Variants in CSMD2 observed in about 807,000 individuals in gnomAD.
CSMD2 encodes the protein CUB and Sushi multiple domains 2.
A neutral mutation model predicts 398.5 loss-of-function variants in CSMD2; 130 were observed. The observed-to-expected ratio is 0.33, with a 90% CI of 0.28 to 0.38. The LOEUF is 0.38. Ranked by LOEUF, CSMD2 falls within the 10% of genes least tolerant of loss-of-function variation. The pLI is 1.00. For missense variants in CSMD2, 3,829 were observed against 4,764.9 expected (o/e 0.80, Z 5.78); for synonymous variants, 1,828 against 1,908.5 (o/e 0.96, Z 1.10).
intron 1 of CSMD2, among the ~76,000 whole-genome samples, chr1:34,132,302 C>A (rs1663436516): frequency 6.6e-6 from 1 of 152,084 alleles, no homozygotes; most frequent in African/African-American, 2.4e-5. Context: ...TTCACTCTTA[C>A]CATGTGACAT....
At chr1:34,138,076 T>C (rs544010950) in intron 1 of CSMD2, among the ~76,000 whole-genome samples, 16 of 152,296 alleles carry the variant, frequency 1.1e-4, no homozygotes, top group Admixed American at 1.0e-3. Flanking sequence ...AACACAATCA[T>C]GTGAATCATA....
At chr1:33,595,037 A>G (rs1276574644) in intron 44 of CSMD2, among the ~76,000 whole-genome samples, 2 of 152,188 alleles carry the variant, frequency 1.3e-5, no homozygotes, top group East Asian at 3.9e-4. Flanking sequence ...ACAACCATCA[A>G]CATTGGGAAA....
intron 15 of CSMD2, among the ~76,000 whole-genome samples, chr1:33,727,785 T>G (rs1646586099): frequency 6.6e-6 from 1 of 152,166 alleles, no homozygotes; most frequent in Non-Finnish European, 1.5e-5. Flanking sequence ...TCCTGATTTT[T>G]AAGCCGCTGG....
intron 1 of CSMD2, among the ~76,000 whole-genome samples, chr1:34,161,399 C>T (rs980735414): frequency 2.6e-5 from 4 of 152,116 alleles, no homozygotes; most frequent in Admixed American, 2.6e-4. Flanking sequence ...GATGAGCTCA[C>T]CCAGAGAGTG....
At chr1:33,622,413 A>G (rs1231199681) in intron 36 of CSMD2, 142 bp from the exon 37 acceptor site, 1 of 645,936 alleles carries the variant, frequency 1.5e-6, no homozygotes, top group Non-Finnish European at 2.8e-6. Flanking sequence ...AACTCACTAA[A>G]TGACAAATTA....
chr1:33,557,698 C>A, intron 55 of CSMD2, 36 bp downstream of exon 55: 1 of 1,525,196 alleles, frequency 6.6e-7, no homozygotes, highest in South Asian at 1.2e-5. Context: ...CACGGGCCAC[C>A]CCATCAGTCA....
At chr1:34,031,660 A>G (rs1418158442) in intron 3 of CSMD2, among the ~76,000 whole-genome samples, 1 of 150,108 alleles carries the variant, frequency 6.7e-6, no homozygotes, top group African/African-American at 2.5e-5. Flanking sequence ...CTCTTTATGC[A>G]TTACACCCCT....
intron 4 of CSMD2, among the ~76,000 whole-genome samples, chr1:33,931,645 C>T (rs559097869): frequency 2.6e-5 from 4 of 152,188 alleles, no homozygotes; most frequent in Admixed American, 6.5e-5. Context: ...TTCCCTAGGG[C>T]GTTTGGAAGG....
intron 14 of CSMD2, among the ~76,000 whole-genome samples, chr1:33,742,586 C>CG (rs1647112541): frequency 7.1e-6 from 1 of 141,506 alleles, no homozygotes; most frequent in Admixed American, 7.1e-5. Context: ...TGCCCCCCCC[C>CG]CCCCAACCCC....
chr1:33,741,742 A>C (rs189168463), intron 14 of CSMD2, among the ~76,000 whole-genome samples: 2 of 152,294 alleles, frequency 1.3e-5, no homozygotes, highest in East Asian at 3.9e-4. Context: ...TCCTCAGGTT[A>C]GTCTGCTGCC....
At chr1:34,063,985 T>C (rs764704078) in intron 2 of CSMD2, among the ~76,000 whole-genome samples, 31 of 152,326 alleles carry the variant, frequency 2.0e-4, no homozygotes, top group Admixed American at 4.6e-4. Context: ...AGCCACAGCA[T>C]GAGCCCTATG....
chr1:34,043,355 C>A (rs142931116), intron 2 of CSMD2, among the ~76,000 whole-genome samples: 132 of 152,272 alleles, frequency 8.7e-4, no homozygotes, highest in East Asian at 8.3e-3. Flanking sequence ...CCTGCATTAG[C>A]TTTTCAGGGC....
At chr1:33,931,060 GCAGGTGGGGTAACC>G (rs1205180635) in intron 4 of CSMD2, among the ~76,000 whole-genome samples, 57 of 152,360 alleles carry the variant, frequency 3.7e-4, no homozygotes, top group Non-Finnish European at 1.5e-5. Context: ...GAGCTACTGG[GCAGGTGGGGTAACC>G]CAGGCTAGTA....
intron 29 of CSMD2, among the ~76,000 whole-genome samples, chr1:33,643,913 G>A (rs1037537815): frequency 6.7e-6 from 1 of 148,912 alleles, no homozygotes; most frequent in African/African-American, 2.6e-5. Flanking sequence ...AAGGAAGGAA[G>A]GAAGGAAGGA....
chr1:33,588,786 C>A (rs1464948628), intron 44 of CSMD2, among the ~76,000 whole-genome samples: 2 of 152,112 alleles, frequency 1.3e-5, no homozygotes, highest in African/African-American at 4.8e-5. Flanking sequence ...GAAAGAAGGT[C>A]TAGCTATGAA....
chr1:33,988,897 A>G (rs1046005738), intron 3 of CSMD2, among the ~76,000 whole-genome samples: 1 of 151,488 alleles, frequency 6.6e-6, no homozygotes, highest in Non-Finnish European at 1.5e-5. Context: ...ACAAATATTA[A>G]CACAAAAGGA....
At chr1:33,670,118 C>G (rs1248801221) in intron 25 of CSMD2, among the ~76,000 whole-genome samples, 1 of 152,216 alleles carries the variant, frequency 6.6e-6, no homozygotes. Context: ...GTAGGTGCCT[C>G]ACATCCAGTG....
Position 33,571,745 on chromosome 1 carries a change from G to C in CSMD2, c.7763-19C>G, listed in dbSNP as rs748675192. 3 of 1,424,892 alleles carry C rather than the reference G, an allele frequency of 2.1e-6. No homozygotes were observed. The highest frequency in any genetic ancestry group is 2.8e-6 in the Non-Finnish European group (3 of 1,072,196). 88.3% of individuals were successfully genotyped at this position (1,424,892 alleles called of 1,614,324 possible). The stretch of plus-strand genomic sequence containing the variant: ...GTCACAGCTGGGGAAATGAGGAAAA[G>C]AAAGGAGGATTAATTACTTGATTAA... On this transcript the variant is annotated intron_variant, in intron 50 of 70. Transcript: ENST00000373381.
In CSMD2 at chr1:33,622,289, G is replaced by A. The variant is rs767174975; in HGVS notation, c.5723-18C>T. On this transcript the variant is annotated intron_variant, in intron 36 of 70. Transcript: ENST00000373381. ...GGTTGTTCCTAGGGCAAGGACACCA[G>A]GGAAAACCATTTAAGTTTGGCTCCT... 3 of 1,596,214 alleles carry A rather than the reference G, an allele frequency of 1.9e-6. No homozygotes were observed. The highest frequency in any genetic ancestry group is 2.7e-5 in the African/African-American group (2 of 74,500).
Sources: gnomAD v4.1 joint callset for allele counts (sites outside exome capture counted in the v4.1 genomes callset) on GRCh38, gnomAD v4.1.1 for gene constraint, MANE v1.5 for transcripts, NCBI Gene and HGNC (gene_info 2026-07-23, HGNC 2026-07-21) for gene names.